The following FAT4 variants were observed in gnomAD, a reference collection of about 807,000 sequenced individuals.
The protein encoded by FAT4 is FAT atypical cadherin 4.
Under a neutral mutation model 303.9 loss-of-function variants are expected in FAT4, and 84 were observed. That is an observed-to-expected ratio of 0.28 (90% CI 0.23 to 0.33). The LOEUF (loss-of-function observed/expected upper bound fraction) is 0.33, where lower values mean the gene tolerates loss of function less well. FAT4 is among the 10% of genes least tolerant of loss of function. FAT4 has a pLI of 1.00. For missense variants in FAT4, 6,005 were observed against 6,146.8 expected (o/e 0.98, Z 0.77); for synonymous variants, 2,307 against 2,298.8 (o/e 1.00, Z -0.10).
At chr4:125,402,858 A>G (rs1045197341) in intron 3 of FAT4, among the ~76,000 whole-genome samples, 2 of 152,056 alleles carry the variant, frequency 1.3e-5, no homozygotes, top group African/African-American at 4.8e-5. Flanking sequence ...GAGGTTAATT[A>G]CAATAAATGG....
chr4:125,328,509 A>G (rs1482000234), intron 2 of FAT4, among the ~76,000 whole-genome samples: 3 of 152,214 alleles, frequency 2.0e-5, no homozygotes, highest in Non-Finnish European at 2.9e-5. Flanking sequence ...AAAGAATTTT[A>G]AGGCTTTGAA....
chr4:125,468,789 T>C lies in FAT4; in HGVS notation c.12183T>C (p.Phe4061=). 6.2e-7 allele frequency: 1 copy of C among 1,612,780 alleles called. No individual in the cohort carries two copies. The highest frequency in any genetic ancestry group is 8.5e-7 in the Non-Finnish European group (1 of 1,178,860). ...TTMKKVSDGH[F]HTVIARRAGM... ...TGAAGAAGGTGTCAGATGGACATTTTCACACTGTGATTGCCAGGAGAGCAG... is the reference window on the plus strand; with the variant it reads ...TGAAGAAGGTGTCAGATGGACATTTCCACACTGTGATTGCCAGGAGAGCAG... Residue 4061 remains phenylalanine, a synonymous_variant, in exon 12 of 18, where the codon TTT becomes TTC. Transcript: ENST00000394329.
At chr4:125,387,077 G>A (rs917338613) in intron 2 of FAT4, among the ~76,000 whole-genome samples, 1 of 152,158 alleles carries the variant, frequency 6.6e-6, no homozygotes, top group East Asian at 1.9e-4. Flanking sequence ...AGGAGGCAGA[G>A]CTCAGGCAGT....
chr4:125,317,336 G>A lies in FAT4; in HGVS notation c.925G>A (p.Glu309Lys), dbSNP rs770591201. 1 of 1,611,776 alleles carries A rather than the reference G, an allele frequency of 6.2e-7. No individual in the cohort carries two copies. Among genetic ancestry groups the A allele is most frequent in the Non-Finnish European group, 8.5e-7 (1 of 1,178,770 alleles). Residue 309 changes from glutamate (E) to lysine (K), a missense_variant, in exon 2 of 18, where the codon GAG (glutamate) becomes AAG (lysine). Coordinates refer to ENST00000394329, the MANE Select transcript of FAT4 (RefSeq NM_001291303.3). This position sits in a 1 kb window ranked among gnomAD's most constrained non-coding sequence, Gnocchi z 7.0. ...DPETGLITVR[E>K]PLDFEARRQY... ...TGAGACGGGACTTATCACGGTGCGG[G>A]AGCCCCTGGACTTCGAAGCTCGGCG...
At chr4:125,421,074 G>T (rs1157600800) in intron 7 of FAT4, among the ~76,000 whole-genome samples, 1 of 152,118 alleles carries the variant, frequency 6.6e-6, no homozygotes, top group Non-Finnish European at 1.5e-5. Context: ...GGGACTACAG[G>T]CACATGCCTG....
At chr4:125,405,881 C>T (rs1197640678) in intron 3 of FAT4, among the ~76,000 whole-genome samples, 1 of 152,054 alleles carries the variant, frequency 6.6e-6, no homozygotes, top group Non-Finnish European at 1.5e-5. Context: ...GATTACCAAA[C>T]TTAATAGCTA....
rs768597452 is a variant in FAT4 at position 125,446,580 on chromosome 4, C to T, written c.7450+37C>T. On this transcript the variant is annotated intron_variant, in intron 9 of 17. Transcript: ENST00000394329. ...AATTCTGAGGCCACATGGATATAAA[C>T]AAACTATGTATCAGACATTTCTATA... is the stretch of plus-strand genomic sequence containing the variant. 5 of 1,525,914 alleles carry T rather than the reference C, an allele frequency of 3.3e-6. No homozygotes were observed. The East Asian group carries it at 1.1e-4, about 35-fold the overall frequency. The allele number at this position is 1,525,914 out of a possible 1,614,324, so 94.5% of individuals were successfully genotyped here.
intron 2 of FAT4, among the ~76,000 whole-genome samples, chr4:125,327,334 T>A (rs547468379): frequency 2.1e-4 from 32 of 152,308 alleles, no homozygotes; most frequent in Non-Finnish European, 4.6e-4. Flanking sequence ...TATTTTTGAA[T>A]TTTTAGGTGA....
rs1560751923 is a variant in FAT4, at chr4:125,316,811, G to A, written c.400G>A (p.Val134Ile). ...GCGGGACCTCAATGACAACGCCCCC[G>A]TTTTCCCGGACCCCTCTATCGTGGT... is the stretch of plus-strand genomic sequence containing the variant. ...LVRDLNDNAPVFPDPSIVVTF... is the reference protein window; with the variant it reads ...LVRDLNDNAPIFPDPSIVVTF... Residue 134 changes from valine to isoleucine, a missense_variant, in exon 2 of 18, where the codon GTT becomes ATT. Physicochemically the swap from Val to Ile is conservative, Grantham distance 29 (BLOSUM62 3). Transcript: ENST00000394329. The surrounding 1 kb of genome is among the most constrained non-coding windows in gnomAD (Gnocchi z 5.7). The A allele has an allele frequency of 6.2e-7, 1 of 1,613,954 alleles. No individual in the cohort carries two copies. The highest frequency in any genetic ancestry group is 1.7e-5 in the Admixed American group (1 of 60,002).
chr4:125,446,750 T>C (rs1203427627), intron 9 of FAT4, among the ~76,000 whole-genome samples: 1 of 152,032 alleles, frequency 6.6e-6, no homozygotes, highest in African/African-American at 2.4e-5. Flanking sequence ...TAATTGTGTA[T>C]AATGTTTTAT....
chr4:125,403,031 T>G (rs955197810), intron 3 of FAT4, among the ~76,000 whole-genome samples: 2 of 152,074 alleles, frequency 1.3e-5, no homozygotes, highest in African/African-American at 4.8e-5. Flanking sequence ...TATTTTGATT[T>G]AAATTATTCA....
chr4:125,425,396 C>T (rs1366491259), intron 7 of FAT4, among the ~76,000 whole-genome samples: 1 of 152,044 alleles, frequency 6.6e-6, no homozygotes, highest in South Asian at 2.1e-4. Flanking sequence ...CTACCATATT[C>T]TGTTTTATAT....
In FAT4 at chr4:125,316,699, C is replaced by A. The variant is rs986464497; in HGVS notation, c.288C>A (p.Ile96=). The change falls in exon 2 of 18, where the codon ATC becomes ATA. Residue 96 remains isoleucine (I), a synonymous_variant. Transcript: ENST00000394329. The surrounding 1 kb of genome is among the most constrained non-coding windows in gnomAD (Gnocchi z 5.7). Reference sequence around the variant, plus strand: ...GAGCCCTGTACACCACCTCCACCATCGACCGCGAGAGCCTGCCCAGCGACG... The same window carrying A: ...GAGCCCTGTACACCACCTCCACCATAGACCGCGAGAGCCTGCCCAGCGACG... ...STGALYTTST[I]DRESLPSDVI... The A allele has an allele frequency of 6.2e-6, 10 of 1,613,612 alleles. No homozygotes were observed. The highest frequency in any genetic ancestry group is 3.3e-4 in the Middle Eastern group (2 of 6,084).
At chr4:125,383,112 C>A (rs1352958476) in intron 2 of FAT4, among the ~76,000 whole-genome samples, 4 of 152,192 alleles carry the variant, frequency 2.6e-5, no homozygotes, top group Admixed American at 6.5e-5. Flanking sequence ...TGGAGCAGCA[C>A]TTTTAATTTC....
chr4:125,435,647 T>G (rs1911107), intron 8 of FAT4, among the ~76,000 whole-genome samples: 150,769 of 152,274 alleles, frequency 0.99, 74,654 homozygotes, highest in East Asian at 1. Flanking sequence ...ATGGAATTAA[T>G]CTCGTTGTTT....
At chr4:125,410,829 A>T (rs147487499) in intron 5 of FAT4, among the ~76,000 whole-genome samples, 3 of 152,226 alleles carry the variant, frequency 2.0e-5, no homozygotes, top group Admixed American at 2.0e-4. Flanking sequence ...AGTTTTTGTG[A>T]TATTTTTTCT....
Position 125,321,178 on chromosome 4 carries a change from G to T in FAT4, c.4767G>T (p.Ala1589=), listed in dbSNP as rs1333560320. 6.2e-7 allele frequency: 1 copy of T among 1,614,130 alleles called. No homozygotes were observed. The highest frequency in any genetic ancestry group is 8.5e-7 in the Non-Finnish European group (1 of 1,179,998). The change falls in exon 2 of 18, where the codon GCG becomes GCT. Residue 1589 remains alanine (A), a synonymous_variant. Transcript: ENST00000394329. ...GTGGAGACCTGAGAGTGGCTTCAGCGTTGGTGCCTTCACAGTTGATCTACA... is the reference window on the plus strand; with the variant it reads ...GTGGAGACCTGAGAGTGGCTTCAGCTTTGGTGCCTTCACAGTTGATCTACA... The part of the protein sequence containing the change: ...RYSGDLRVAS[A]LVPSQLIYNL...
At chr4:125,351,426 G>C (rs1295928154) in intron 2 of FAT4, among the ~76,000 whole-genome samples, 1 of 151,720 alleles carries the variant, frequency 6.6e-6, no homozygotes, top group Non-Finnish European at 1.5e-5. Context: ...AAATTTTTGA[G>C]AAACCATGAA....
chr4:125,360,390 G>A (rs1227121559), intron 2 of FAT4, among the ~76,000 whole-genome samples: 1 of 152,016 alleles, frequency 6.6e-6, no homozygotes, highest in Non-Finnish European at 1.5e-5. Flanking sequence ...TCCCACACAG[G>A]CTTGTAAGGA....
Sources: allele counts gnomAD v4.1 joint callset (sites outside exome capture counted in the v4.1 genomes callset), GRCh38; gene constraint gnomAD v4.1.1; non-coding constraint Gnocchi (gnomAD v3.1); transcripts MANE v1.5; gene names NCBI Gene and HGNC (gene_info 2026-07-23, HGNC 2026-07-21).